PTN: variants seen among roughly 807,000 people sequenced by gnomAD.
PTN encodes the protein heparin affin regulatory protein.
PTN carries 18 observed loss-of-function variants against 24.1 expected under a neutral mutation model. The ratio of observed to expected loss-of-function variants is 0.75; its 90% CI spans 0.52 to 1.11. PTN has a LOEUF of 1.11. Ranked by LOEUF, PTN falls within the 50% of genes least tolerant of loss-of-function variation. The pLI is 0.00. For synonymous variants in PTN, 78 were observed against 68.6 expected, an observed-to-expected ratio of 1.14 and a Z score of -0.67; for missense variants, 163 against 198.8, an observed-to-expected ratio of 0.82 and a Z score of 1.08.
intron 1 of PTN, among the ~76,000 whole-genome samples, chr7:137,285,787 T>C (rs1323296623): frequency 6.6e-6 from 1 of 152,258 alleles, no homozygotes. Context: ...TCTAGAAATA[T>C]GTGTCCTATA....
At chr7:137,336,565 C>T (rs185365354) in intron 1 of PTN, among the ~76,000 whole-genome samples, 173 of 152,166 alleles carry the variant, frequency 1.1e-3, no homozygotes, top group Non-Finnish European at 1.3e-3. Flanking sequence ...TCACATGCTC[C>T]GTATGTTTTC....
chr7:137,315,180 G>T (rs1810051047), intron 1 of PTN, among the ~76,000 whole-genome samples: 1 of 152,120 alleles, frequency 6.6e-6, no homozygotes, highest in African/African-American at 2.4e-5. Flanking sequence ...CCATGCAATG[G>T]TATCACCATT....
At chr7:137,270,459 C>T (rs1173662610) in intron 1 of PTN, among the ~76,000 whole-genome samples, 1 of 152,114 alleles carries the variant, frequency 6.6e-6, no homozygotes, top group Non-Finnish European at 1.5e-5. Context: ...TAAGAAAGTA[C>T]AGTATTCATT....
At chr7:137,312,571 C>T (rs1810001021) in intron 1 of PTN, among the ~76,000 whole-genome samples, 2 of 152,162 alleles carry the variant, frequency 1.3e-5, no homozygotes, top group Admixed American at 1.3e-4. Context: ...AAAATTGTTG[C>T]CATTTAATTT....
At chr7:137,302,332 T>C (rs1809818856) in intron 1 of PTN, among the ~76,000 whole-genome samples, 1 of 152,026 alleles carries the variant, frequency 6.6e-6, no homozygotes, top group South Asian at 2.1e-4. Context: ...AGTTTCCAAG[T>C]TGCATGAACC....
Position 137,253,582 on chromosome 7 carries a change from G to A in PTN, c.171C>T (p.Pro57=). Residue 57 remains proline (P), a synonymous_variant, in exon 3 of 5, where the codon CCC becomes CCT. Transcript: ENST00000348225. ...TGCCCAGCCCACAGTCTCCACTGGT[G>A]GGCACACACACACTCCACTGCCATT... The part of the protein sequence containing the change: ...CGEWQWSVCV[P]TSGDCGLGTR... The A allele has an allele frequency of 6.2e-7, 1 of 1,608,298 alleles. No individual in the cohort carries two copies. The highest frequency in any genetic ancestry group is 1.1e-5 in the South Asian group (1 of 89,708).
chr7:137,253,581 T>C lies in PTN; in HGVS notation c.172A>G (p.Thr58Ala). The C allele has an allele frequency of 6.2e-7, 1 of 1,609,410 alleles. No homozygotes were observed. The highest frequency in any genetic ancestry group is 8.5e-7 in the Non-Finnish European group (1 of 1,177,446). ...GTGCCCAGCCCACAGTCTCCACTGG[T>C]GGGCACACACACACTCCACTGCCAT... ...GEWQWSVCVP[T>A]SGDCGLGTRE... The change falls in exon 3 of 5, where the codon ACC becomes GCC. Residue 58 changes from threonine to alanine, a missense_variant. Thr to Ala is a moderately conservative substitution (Grantham distance 58, BLOSUM62 0). Coordinates refer to ENST00000348225, the MANE Select transcript of PTN (RefSeq NM_002825.7).
At chr7:137,255,699 T>A (rs571682766) in intron 1 of PTN, among the ~76,000 whole-genome samples, 1 of 152,328 alleles carries the variant, frequency 6.6e-6, no homozygotes, top group African/African-American at 2.4e-5. Flanking sequence ...TGCTCACATT[T>A]GATGTGAATC....
At chr7:137,259,578 C>T (rs548990972) in intron 1 of PTN, among the ~76,000 whole-genome samples, 2 of 151,324 alleles carry the variant, frequency 1.3e-5, no homozygotes, top group Non-Finnish European at 3.0e-5. Context: ...TTAGTGTACC[C>T]CTTTACTCTT....
intron 4 of PTN, among the ~76,000 whole-genome samples, chr7:137,234,354 T>C (rs2128867832): frequency 6.6e-6 from 1 of 152,142 alleles, no homozygotes; most frequent in Non-Finnish European, 1.5e-5. Context: ...GAAAAGGATG[T>C]ACTGGATCCA....
chr7:137,230,306 G>A (rs564698669), intron 4 of PTN, among the ~76,000 whole-genome samples: 2 of 151,766 alleles, frequency 1.3e-5, no homozygotes, highest in African/African-American at 4.8e-5. Flanking sequence ...CCCTGAACCT[G>A]ACATTGGTGT....
chr7:137,227,868 C>T lies in PTN; in HGVS notation c.*152G>A, dbSNP rs1381021056. On this transcript the variant is annotated 3_prime_UTR_variant, in exon 5 of 5. Coordinates refer to ENST00000348225, the MANE Select transcript of PTN (RefSeq NM_002825.7). ...TACTATAGTATACATTTAAAAAACG[C>T]TACTACAAAAATTTTCTTTTCTTTT... The T allele has an allele frequency of 6.3e-6, 6 of 953,182 alleles. No homozygotes were observed. The highest frequency in any genetic ancestry group is 8.9e-6 in the Non-Finnish European group (6 of 671,772). The allele number at this position is 953,182 out of a possible 1,614,324, so 59.0% of individuals were successfully genotyped here.
intron 1 of PTN, among the ~76,000 whole-genome samples, chr7:137,293,475 G>A (rs1809672652): frequency 6.6e-6 from 1 of 152,124 alleles, no homozygotes; most frequent in South Asian, 2.1e-4. Context: ...TACTTGAAAT[G>A]CTAGTAATTA....
intron 4 of PTN, among the ~76,000 whole-genome samples, chr7:137,237,731 A>C (rs889998864): frequency 1.8e-4 from 28 of 152,044 alleles, no homozygotes; most frequent in African/African-American, 6.8e-4. Flanking sequence ...CTTCTGCCCC[A>C]AAAGACCCAG....
At chr7:137,332,910 G>C (rs1234136461) in intron 1 of PTN, among the ~76,000 whole-genome samples, 1 of 152,174 alleles carries the variant, frequency 6.6e-6, no homozygotes, top group Non-Finnish European at 1.5e-5. Context: ...CATCAAATAA[G>C]AAAGCCATTA....
intron 1 of PTN, among the ~76,000 whole-genome samples, chr7:137,296,794 A>G (rs1809725053): frequency 6.6e-6 from 1 of 152,070 alleles, no homozygotes; most frequent in Non-Finnish European, 1.5e-5. Flanking sequence ...CAGAGGTTCC[A>G]TTATTTTTCT....
chr7:137,314,444 C>A (rs1276774551), intron 1 of PTN, among the ~76,000 whole-genome samples: 1 of 152,076 alleles, frequency 6.6e-6, no homozygotes. Context: ...GTTTACATGG[C>A]AGAAGCAAGT....
chr7:137,257,010 T>C lies in PTN; in HGVS notation c.-1-2036A>G, dbSNP rs576747483. On this transcript the variant is annotated intron_variant, in intron 1 of 4. Coordinates refer to ENST00000348225, the MANE Select transcript of PTN (RefSeq NM_002825.7). ...CAATTATTAAAAAGTCAAGAAACAA[T>C]AGATGCTGGCAAGACTGTGGAGAAA... Among the ~76,000 whole-genome samples, 20 of 152,216 alleles carry C rather than the reference T, an allele frequency of 1.3e-4. No homozygotes were observed. In the South Asian group the frequency reaches 4.1e-3, roughly 32 times the overall value.
intron 1 of PTN, among the ~76,000 whole-genome samples, chr7:137,335,934 T>C (rs1810441090): frequency 6.6e-6 from 1 of 151,738 alleles, no homozygotes; most frequent in Non-Finnish European, 1.5e-5. Flanking sequence ...CTCGCTTTTT[T>C]TTTTTTTTTT....
Sources: allele counts gnomAD v4.1 joint callset (sites outside exome capture counted in the v4.1 genomes callset), GRCh38; gene constraint gnomAD v4.1.1; transcripts MANE v1.5; gene names NCBI Gene and HGNC (gene_info 2026-07-23, HGNC 2026-07-21).